The following ANK2 variants were observed in gnomAD, a reference collection of about 807,000 sequenced individuals.
The protein encoded by ANK2 is ankyrin-2.
ANK2 carries 83 observed loss-of-function variants against 360.5 expected under a neutral mutation model. That is an observed-to-expected ratio of 0.23 (90% CI 0.19 to 0.28). The LOEUF (loss-of-function observed/expected upper bound fraction) is 0.28, where lower values mean the gene tolerates loss of function less well. ANK2 is among the 10% of genes least tolerant of loss of function. ANK2 has a pLI of 1.00. For synonymous variants in ANK2, 1,740 were observed against 1,759.5 expected (o/e 0.99, Z 0.28); for missense variants, 4,201 against 4,795.7 (o/e 0.88, Z 3.66).
In ANK2 at chr4:113,250,008, C is replaced by A. The variant is rs899002106; in HGVS notation, c.990+146C>A. 2.7e-5 allele frequency: 19 copies of A among 714,114 alleles called. No individual in the cohort carries two copies. The African/African-American group carries it at 3.2e-4, about 12-fold the overall frequency. The allele number at this position is 714,114 out of a possible 1,614,324, so 44.2% of individuals were successfully genotyped here. A position where few individuals can be genotyped will look rare whatever the true frequency, so the allele number is the denominator to read the frequency against. On this transcript the variant is annotated intron_variant, in intron 10 of 45. Transcript: ENST00000357077. ...GCTAGGAATAGGAATATGTATCAAA[C>A]CACTTAAAATTATTAAAATAAACAG...
chr4:112,782,025 T>C, the ANK2 span, among the ~76,000 whole-genome samples: 1 of 152,104 alleles, frequency 6.6e-6, no homozygotes, highest in South Asian at 2.1e-4. Context: ...AGACAGGGTT[T>C]CACCATATTG....
chr4:113,008,377 A>G (rs1444705540), intron 2 of ANK2, among the ~76,000 whole-genome samples: 1 of 152,088 alleles, frequency 6.6e-6, no homozygotes, highest in African/African-American at 2.4e-5. Flanking sequence ...ATATGCCAAT[A>G]GAAATGTTAT....
chr4:113,355,660 G>T lies in ANK2; in HGVS notation c.7042G>T (p.Ala2348Ser), dbSNP rs1466354397. Reference protein sequence around the residue: ...ETPTGLTEEAACDEGQRTFGS... With the variant: ...ETPTGLTEEASCDEGQRTFGS... ...ACCTACAGGACTGACTGAGGAGGCA[G>T]CCTGTGATGAAGGTCAACGTACCTT... is the stretch of plus-strand genomic sequence containing the variant. Residue 2348 changes from alanine to serine, a missense_variant, in exon 38 of 46, where the codon GCC (alanine) becomes TCC (serine). Ala to Ser is a moderately conservative substitution (Grantham distance 99). Transcript: ENST00000357077. 5.0e-6 allele frequency: 8 copies of T among 1,613,992 alleles called. No homozygotes were observed. Among genetic ancestry groups the T allele is most frequent in the Non-Finnish European group, 6.8e-6 (8 of 1,179,990 alleles).
intron 18 of ANK2, among the ~76,000 whole-genome samples, chr4:113,284,281 T>A (rs1435705332): frequency 6.6e-6 from 1 of 152,194 alleles, no homozygotes; most frequent in Non-Finnish European, 1.5e-5. Context: ...GAAAATGTGA[T>A]CATGAAGCAT....
At chr4:113,221,234 G>A (rs2099147559) in intron 4 of ANK2, among the ~76,000 whole-genome samples, 2 of 152,188 alleles carry the variant, frequency 1.3e-5, no homozygotes, top group African/African-American at 4.8e-5. Context: ...TGTGAGTGTA[G>A]AAATAGTGGT....
At chr4:112,803,166 T>C in the ANK2 span, among the ~76,000 whole-genome samples, 23 of 152,188 alleles carry the variant, frequency 1.5e-4, no homozygotes, top group Non-Finnish European at 2.8e-4. Flanking sequence ...GTAGTAGTTA[T>C]ATAGTAGTAG....
chr4:113,094,591 A>G (rs1047840455), intron 1 of ANK2, among the ~76,000 whole-genome samples: 2 of 152,124 alleles, frequency 1.3e-5, no homozygotes, highest in African/African-American at 4.8e-5. Flanking sequence ...AGTGTATTAC[A>G]GTTATCTTCT....
the ANK2 span, among the ~76,000 whole-genome samples, chr4:112,740,163 G>C: frequency 1.3e-5 from 2 of 151,816 alleles, no homozygotes; most frequent in Non-Finnish European, 2.9e-5. Flanking sequence ...AAAAAAAAGA[G>C]GAAAAGCAGA....
intron 1 of ANK2, among the ~76,000 whole-genome samples, chr4:112,869,133 A>AT (rs1172961485): frequency 7.9e-5 from 12 of 151,806 alleles, no homozygotes; most frequent in African/African-American, 1.2e-4. Context: ...CTAATTTAAA[A>AT]TTTTTTATTA....
chr4:112,723,633 G>A, the ANK2 span, among the ~76,000 whole-genome samples: 26 of 152,202 alleles, frequency 1.7e-4, no homozygotes, highest in Non-Finnish European at 3.4e-4. Flanking sequence ...CAAAGTGCTG[G>A]GATTACAGGC....
intron 2 of ANK2, among the ~76,000 whole-genome samples, chr4:112,936,781 A>AT (rs552875423): frequency 2.0e-5 from 3 of 150,228 alleles, no homozygotes; most frequent in Non-Finnish European, 4.5e-5. Flanking sequence ...TTTATTTATA[A>AT]TTTTTTTTTT....
At chr4:113,323,669 G>A (rs1272140642) in intron 26 of ANK2, 2 of 1,240,466 alleles carry the variant, frequency 1.6e-6, no homozygotes, top group Non-Finnish European at 2.3e-6. Flanking sequence ...TAAGGTATTG[G>A]TGTATAAATA....
chr4:113,092,349 T>C (rs1237669397), intron 1 of ANK2, among the ~76,000 whole-genome samples: 1 of 152,246 alleles, frequency 6.6e-6, no homozygotes, highest in Non-Finnish European at 1.5e-5. Context: ...GCAGATGAAC[T>C]AGTGAGAAGT....
In ANK2 at chr4:112,991,764, C is replaced by T. The variant is rs181911089; in HGVS notation, c.21+87250C>T. Among the ~76,000 whole-genome samples the T allele has an allele frequency of 3.2e-4, 48 of 152,060 alleles. 1 individual carries two copies. Among genetic ancestry groups the T allele is most frequent in the African/African-American group, 8.7e-4 (36 of 41,506 alleles). ...AGCAGTCAGGAAAAATGAAGCTGCT[C>T]CTTCAATACTTTGTTTAGCAATTCC... On this transcript the variant is annotated intron_variant, in intron 2 of 30. Transcript: ENST00000503271.
At chr4:113,194,733 C>T (rs140035962) in intron 2 of ANK2, among the ~76,000 whole-genome samples, 57 of 152,074 alleles carry the variant, frequency 3.7e-4, no homozygotes, top group African/African-American at 1.3e-3. Context: ...ATCTGCAAAG[C>T]CCAATATCTT....
the ANK2 span, among the ~76,000 whole-genome samples, chr4:112,713,452 C>T: frequency 1.3e-5 from 2 of 152,128 alleles, no homozygotes; most frequent in African/African-American, 4.8e-5. Context: ...GCCTGTAATC[C>T]TAGCTACTCG....
At chr4:112,732,215 T>A in the ANK2 span, among the ~76,000 whole-genome samples, 2 of 152,058 alleles carry the variant, frequency 1.3e-5, no homozygotes, top group African/African-American at 4.8e-5. Context: ...ATTATTCCTA[T>A]TTTACAGATG....
At chr4:113,320,601 G>T (rs886873720) in intron 26 of ANK2, among the ~76,000 whole-genome samples, 12 of 152,216 alleles carry the variant, frequency 7.9e-5, no homozygotes, top group African/African-American at 2.9e-4. Context: ...GTTACAGCGA[G>T]CCTAGACTGC....
chr4:112,884,987 T>C (rs913874302), intron 1 of ANK2, among the ~76,000 whole-genome samples: 2 of 152,246 alleles, frequency 1.3e-5, no homozygotes, highest in African/African-American at 2.4e-5. Flanking sequence ...TACTTCCTCT[T>C]ATTTCTCTCA....
Sources: allele counts gnomAD v4.1 joint callset (sites outside exome capture counted in the v4.1 genomes callset), GRCh38; gene constraint gnomAD v4.1.1; transcripts MANE v1.5; gene names NCBI Gene and HGNC (gene_info 2026-07-23, HGNC 2026-07-21).